Variants in MTMR10 observed in about 807,000 individuals in gnomAD.
MTMR10 encodes myotubularin-related protein 10.
A neutral mutation model predicts 88.1 loss-of-function variants in MTMR10; 56 were observed. The observed-to-expected ratio is 0.64, with a 90% CI of 0.51 to 0.79. MTMR10 has a LOEUF of 0.79. MTMR10 is among the 30% of genes least tolerant of loss of function. The pLI, the probability that MTMR10 is intolerant of heterozygous loss-of-function variation, is 0.00. For synonymous variants in MTMR10, 380 were observed against 340.9 expected, an observed-to-expected ratio of 1.11 and a Z score of -1.26; for missense variants, 883 against 924.7, an observed-to-expected ratio of 0.95 and a Z score of 0.58.
At chr15:30,923,609 C>G in the MTMR10 span, among the ~76,000 whole-genome samples, 1 of 152,204 alleles carries the variant, frequency 6.6e-6, no homozygotes, top group African/African-American at 2.4e-5. Flanking sequence ...AAGTGCTCTG[C>G]AGCCAGCCCC....
chr15:30,924,616 C>G, the MTMR10 span, among the ~76,000 whole-genome samples: 8 of 152,324 alleles, frequency 5.3e-5, no homozygotes, highest in South Asian at 6.2e-4. Context: ...TTCCTCCAAA[C>G]CTTTGGCTCC....
intron 2 of MTMR10, among the ~76,000 whole-genome samples, chr15:30,988,987 CAAAAAAAA>C (rs71420538): frequency 1.2e-5 from 1 of 85,896 alleles, no homozygotes; most frequent in Admixed American, 1.3e-4. Flanking sequence ...GACTCTGTCT[CAAAAAAAA>C]AAAAAAAAAA....
Position 30,939,196 on chromosome 15 carries a change from GT to G in MTMR10, c.*2273del. 1.0e-6 allele frequency: 1 copy of G among 985,262 alleles called. No individual in the cohort carries two copies. Among genetic ancestry groups the G allele is most frequent in the East Asian group, 1.1e-4 (1 of 8,818 alleles). The allele number at this position is 985,262 out of a possible 1,614,324, so 61.0% of individuals were successfully genotyped here. On this transcript the variant is annotated 3_prime_UTR_variant, in exon 16 of 16. Transcript: ENST00000435680. The stretch of plus-strand genomic sequence containing the variant: ...AATTAATATCCTTTCCTTAAATAAA[GT>G]TAGTTAGCTATTTTTGGTTTCAAAA...
intron 2 of MTMR10, among the ~76,000 whole-genome samples, chr15:30,977,592 G>A (rs896205073): frequency 1.3e-5 from 2 of 151,180 alleles, no homozygotes; most frequent in African/African-American, 4.9e-5. Context: ...TTTATTTAAA[G>A]CTTGGTCATC....
chr15:30,942,235 CTGGAATTACACTTTTTTA>C, intron 15 of MTMR10, 163 bp from the exon 16 acceptor site: 1 of 888,340 alleles, frequency 1.1e-6, no homozygotes, highest in African/African-American at 1.7e-5. Flanking sequence ...TCCTCCTCCC[CTGGAATTACACTTTTTTA>C]TGTGTTGACT....
At chr15:30,927,884 A>G in the MTMR10 span, 2 of 985,728 alleles carry the variant, frequency 2.0e-6, no homozygotes, top group Non-Finnish European at 2.4e-6. Flanking sequence ...CTGTGACCTC[A>G]GCACCTGACT....
chr15:30,964,215 T>C (rs2063445524), intron 6 of MTMR10, among the ~76,000 whole-genome samples: 1 of 152,130 alleles, frequency 6.6e-6, no homozygotes, highest in African/African-American at 2.4e-5. Context: ...AAAAAAGAAT[T>C]ATAAAAAACA....
the MTMR10 span, chr15:30,925,695 G>T: frequency 2.0e-5 from 27 of 1,379,808 alleles, no homozygotes; most frequent in Non-Finnish European, 2.4e-5. Flanking sequence ...CTGACTTTGT[G>T]GTAAGGGAGG....
intron 2 of MTMR10, among the ~76,000 whole-genome samples, chr15:30,983,950 T>C (rs918025527): frequency 5.9e-4 from 90 of 152,276 alleles, no homozygotes; most frequent in African/African-American, 2.1e-3. Context: ...AAGGGTATAG[T>C]GCCGATCTCA....
At chr15:30,968,092 G>T (rs1401301308) in intron 5 of MTMR10, 82 bp from the exon 6 acceptor site, 1 of 967,414 alleles carries the variant, frequency 1.0e-6, no homozygotes, top group African/African-American at 1.7e-5. Context: ...GGCACTGGGA[G>T]CATCATCTTG....
rs1013514056 is a variant in MTMR10 at position 30,958,459 on chromosome 15, C to T, written c.935+404G>A. 2.6e-5 allele frequency among the ~76,000 whole-genome samples: 4 copies of T among 152,202 alleles called. No individual in the cohort carries two copies. In the East Asian group the frequency reaches 5.8e-4, roughly 22 times the overall value. On this transcript the variant is annotated intron_variant, in intron 9 of 15. Transcript: ENST00000435680. ...TGACCACAGCAGATGATGCCAGACT[C>T]GTCTGTGGTGGCTAATTAAAACCAC...
chr15:30,945,211 A>C (rs940067886), intron 14 of MTMR10, among the ~76,000 whole-genome samples: 8 of 152,148 alleles, frequency 5.3e-5, no homozygotes, highest in Admixed American at 2.0e-4. Context: ...ACCCTTAGAC[A>C]ATGACCAGTT....
chr15:30,918,779 T>C, the MTMR10 span, among the ~76,000 whole-genome samples: 1 of 152,264 alleles, frequency 6.6e-6, no homozygotes, highest in Non-Finnish European at 1.5e-5. Context: ...TCAATATTTA[T>C]TAAGACATTT....
intron 6 of MTMR10, among the ~76,000 whole-genome samples, chr15:30,967,362 T>G (rs144556943): frequency 1.3e-5 from 2 of 152,304 alleles, no homozygotes; most frequent in East Asian, 3.8e-4. Context: ...GTCAGATATA[T>G]AGACAAAACT....
At chr15:30,925,336 CT>C in the MTMR10 span, 1 of 1,570,430 alleles carries the variant, frequency 6.4e-7, no homozygotes, top group Non-Finnish European at 8.7e-7. Flanking sequence ...GCGCGTGTAC[CT>C]GGTTTTTTTG....
At chr15:30,929,312 G>C in the MTMR10 span, 1 of 1,612,686 alleles carries the variant, frequency 6.2e-7, no homozygotes, top group Non-Finnish European at 8.5e-7. Context: ...CTGCGGGCCT[G>C]GGTGGCAGCC....
chr15:30,929,003 C>T, the MTMR10 span, among the ~76,000 whole-genome samples: 24 of 152,128 alleles, frequency 1.6e-4, no homozygotes, highest in Admixed American at 1.5e-3. Flanking sequence ...CCCAGCTAAG[C>T]GAAAAGCTGT....
At chr15:30,935,946 T>C (rs993674450), downstream of MTMR10, among the ~76,000 whole-genome samples, 11 of 152,214 alleles carry the variant, frequency 7.2e-5, no homozygotes, top group Admixed American at 3.3e-4. Flanking sequence ...CTGGGATTCA[T>C]TGATTTTCTT....
At chr15:30,944,740 G>A (rs1266879498) in intron 14 of MTMR10, among the ~76,000 whole-genome samples, 1 of 152,074 alleles carries the variant, frequency 6.6e-6, no homozygotes, top group Non-Finnish European at 1.5e-5. Flanking sequence ...GCCAAGCACG[G>A]TGGCTCACGC....
Sources: allele counts gnomAD v4.1 joint callset (sites outside exome capture counted in the v4.1 genomes callset), GRCh38; gene constraint gnomAD v4.1.1; transcripts MANE v1.5; gene names NCBI Gene and HGNC (gene_info 2026-07-23, HGNC 2026-07-21).